CHRM3: variants seen among roughly 807,000 people sequenced by gnomAD.
The protein encoded by CHRM3 is cholinergic receptor muscarinic 3.
In CHRM3, 11 loss-of-function variants were observed where a neutral mutation model predicts 41.8. That is an observed-to-expected ratio of 0.26 (90% CI 0.17 to 0.44). The LOEUF (loss-of-function observed/expected upper bound fraction) is 0.44, where lower values mean the gene tolerates loss of function less well. CHRM3 is among the 20% of genes least tolerant of loss of function. The pLI is 1.00. For synonymous variants in CHRM3, 297 were observed against 301.4 expected, an observed-to-expected ratio of 0.99 and a Z score of 0.15; for missense variants, 571 against 745.4, an observed-to-expected ratio of 0.77 and a Z score of 2.72.
At chr1:239,600,492 T>A (rs1363174436) in intron 3 of CHRM3, among the ~76,000 whole-genome samples, 1 of 152,074 alleles carries the variant, frequency 6.6e-6, no homozygotes, top group African/African-American at 2.4e-5. Context: ...CATCTTTTGT[T>A]CCCAATGAGT....
rs779167184 is a variant in CHRM3 at position 239,909,023 on chromosome 1, C to T, written c.1572C>T (p.Thr524=). ...NTFCDSCIPK[T]FWNLGYWLCY... is the part of the protein sequence containing the mutation. ...TTTGTGACAGCTGCATACCCAAAAC[C>T]TTTTGGAATCTGGGCTACTGGCTGT... Residue 524 remains threonine (T), a synonymous_variant, in exon 7 of 7, where the codon ACC becomes ACT. Coordinates refer to ENST00000676153, the MANE Select transcript of CHRM3 (RefSeq NM_001375978.1). 1 of 1,614,022 alleles carries T rather than the reference C, an allele frequency of 6.2e-7. No individual in the cohort carries two copies. The highest frequency in any genetic ancestry group is 8.5e-7 in the Non-Finnish European group (1 of 1,180,036).
At chr1:239,502,916 A>G (rs1267253261) in intron 2 of CHRM3, among the ~76,000 whole-genome samples, 1 of 152,194 alleles carries the variant, frequency 6.6e-6, no homozygotes, top group Non-Finnish European at 1.5e-5. Context: ...ACCTCAATGT[A>G]ATAAAAGCCA....
chr1:239,841,974 G>A (rs1013882788), intron 6 of CHRM3, among the ~76,000 whole-genome samples: 13 of 152,218 alleles, frequency 8.5e-5, no homozygotes, highest in African/African-American at 2.4e-4. Context: ...GTGTAGGGGG[G>A]ACGCCTATAT....
chr1:239,482,861 A>T (rs1292881970), intron 1 of CHRM3, among the ~76,000 whole-genome samples: 2 of 152,202 alleles, frequency 1.3e-5, no homozygotes, highest in African/African-American at 2.4e-5. Flanking sequence ...ATGGTATTTC[A>T]TCTTTGTTTA....
chr1:239,482,053 A>G (rs1411648681), intron 1 of CHRM3, among the ~76,000 whole-genome samples: 1 of 152,004 alleles, frequency 6.6e-6, no homozygotes, highest in Non-Finnish European at 1.5e-5. Flanking sequence ...TTCTATTACA[A>G]AGGCTTATTT....
Position 239,602,762 on chromosome 1 carries a change from G to A in CHRM3, c.-312-29462G>A, listed in dbSNP as rs191152610. ...TTTTCAAATTTATATTTATAATATA[G>A]AGAATTCTTTAAAATTTTTTTAATT... On this transcript the variant is annotated intron_variant, in intron 3 of 6. Transcript: ENST00000676153. Among the ~76,000 whole-genome samples the A allele has an allele frequency of 4.3e-3, 654 of 152,142 alleles. 5 individuals carry two copies. Among genetic ancestry groups the A allele is most frequent in the African/African-American group, 0.015 (633 of 41,510 alleles).
chr1:239,641,117 G>T (rs1316819278), intron 4 of CHRM3, among the ~76,000 whole-genome samples: 2 of 152,172 alleles, frequency 1.3e-5, no homozygotes, highest in Non-Finnish European at 2.9e-5. Flanking sequence ...TGATTGCACT[G>T]TGGTCTGAGA....
intron 1 of CHRM3, among the ~76,000 whole-genome samples, chr1:239,464,217 T>C (rs1307005581): frequency 6.6e-6 from 1 of 151,376 alleles, no homozygotes; most frequent in Non-Finnish European, 1.5e-5. Context: ...GAAGCAGCAG[T>C]TGCAGTGAAC....
intron 6 of CHRM3, among the ~76,000 whole-genome samples, chr1:239,873,150 A>C (rs1676735942): frequency 6.6e-6 from 1 of 152,090 alleles, no homozygotes. Flanking sequence ...TTTATCATGT[A>C]CTGTGTCTAT....
rs114019288 is a variant in CHRM3 at position 239,796,926 on chromosome 1, C to T, written c.-146-30326C>T. Among the ~76,000 whole-genome samples the T allele has an allele frequency of 3.0e-3, 456 of 152,146 alleles. 3 individuals carry two copies. The highest frequency in any genetic ancestry group is 0.011 in the African/African-American group (445 of 41,514). On this transcript the variant is annotated intron_variant, in intron 5 of 6. Coordinates refer to ENST00000676153, the MANE Select transcript of CHRM3 (RefSeq NM_001375978.1). ...CACTTTATCCACTACTGTTTGTAGA[C>T]AAAATAAAGTGAATTCATCAACTCT... is the stretch of plus-strand genomic sequence containing the variant.
At chr1:239,634,402 A>AAAGAAAGAAAGAAAGAAAGAAAGG (rs1670229497) in intron 4 of CHRM3, among the ~76,000 whole-genome samples, 1 of 149,130 alleles carries the variant, frequency 6.7e-6, no homozygotes, top group Non-Finnish European at 1.5e-5. Context: ...AGAAAGAAAG[A>AAAGAAAGAAAGAAAGAAAGAAAGG]AAGGAAAGAA....
intron 3 of CHRM3, chr1:239,546,719 C>T (rs993552136): frequency 1.5e-4 from 23 of 152,220 alleles, no homozygotes; most frequent in African/African-American, 5.1e-4. Context: ...TTCTCTCCAT[C>T]GTGTTTACTC....
intron 4 of CHRM3, among the ~76,000 whole-genome samples, chr1:239,647,767 G>A (rs1173608476): frequency 6.6e-6 from 1 of 152,112 alleles, no homozygotes; most frequent in South Asian, 2.1e-4. Context: ...TCTCCTGTAT[G>A]TCATACAGGT....
chr1:239,781,940 A>C (rs2148806600), intron 5 of CHRM3, among the ~76,000 whole-genome samples: 1 of 152,224 alleles, frequency 6.6e-6, no homozygotes, highest in South Asian at 2.1e-4. Context: ...ATGTTGAACC[A>C]GCCTTGCATA....
At chr1:239,827,884 C>A (rs1380873766) in intron 6 of CHRM3, among the ~76,000 whole-genome samples, 2 of 152,090 alleles carry the variant, frequency 1.3e-5, no homozygotes, top group Admixed American at 1.3e-4. Context: ...ACTAGAATAC[C>A]TTTAATGTAT....
At chr1:239,509,244 G>A (rs1668769807) in intron 2 of CHRM3, among the ~76,000 whole-genome samples, 1 of 152,120 alleles carries the variant, frequency 6.6e-6, no homozygotes, top group South Asian at 2.1e-4. Flanking sequence ...ATTTATTCTT[G>A]TTACCCTCCC....
chr1:239,441,004 C>T (rs1197716091), intron 1 of CHRM3, among the ~76,000 whole-genome samples: 2 of 152,066 alleles, frequency 1.3e-5, no homozygotes, highest in Non-Finnish European at 2.9e-5. Context: ...TTACTTAGTG[C>T]TCTTAGTGTT....
intron 5 of CHRM3, among the ~76,000 whole-genome samples, chr1:239,820,369 G>T (rs1011403545): frequency 1.3e-5 from 2 of 152,164 alleles, no homozygotes; most frequent in African/African-American, 4.8e-5. Context: ...GGCAAAGTCT[G>T]TTGGGGCCAC....
intron 5 of CHRM3, among the ~76,000 whole-genome samples, chr1:239,741,405 A>T (rs186093907): frequency 1.6e-4 from 25 of 152,276 alleles, no homozygotes; most frequent in Middle Eastern, 3.4e-3. Flanking sequence ...GACATTTCTC[A>T]CATGAGGGTC....
Sources: gnomAD v4.1 joint callset for allele counts (sites outside exome capture counted in the v4.1 genomes callset) on GRCh38, gnomAD v4.1.1 for gene constraint, MANE v1.5 for transcripts, NCBI Gene and HGNC (gene_info 2026-07-23, HGNC 2026-07-21) for gene names.